Variants in RAB28 observed in about 807,000 individuals in gnomAD.
RAB28 encodes the protein RAB28, member RAS oncogene family, also known as ras-related protein Rab-28.
Under a neutral mutation model 31.7 loss-of-function variants are expected in RAB28, and 24 were observed. The ratio of observed to expected loss-of-function variants is 0.76; its 90% CI spans 0.55 to 1.06. The LOEUF (loss-of-function observed/expected upper bound fraction) is 1.06. RAB28 is among the 50% of genes least tolerant of loss of function. RAB28 has a pLI of 0.00. For synonymous variants in RAB28, 100 were observed against 90.4 expected, an observed-to-expected ratio of 1.11 and a Z score of -0.60; for missense variants, 254 against 258.5, an observed-to-expected ratio of 0.98 and a Z score of 0.12.
intron 4 of RAB28, among the ~76,000 whole-genome samples, chr4:13,410,489 T>G (rs1712375194): frequency 6.6e-6 from 1 of 152,106 alleles, no homozygotes; most frequent in Non-Finnish European, 1.5e-5. Flanking sequence ...AAAAAATTTC[T>G]AAGGTAATAA....
At chr4:13,382,644 T>C (rs571100267) in intron 4 of RAB28, among the ~76,000 whole-genome samples, 84 of 151,670 alleles carry the variant, frequency 5.5e-4, no homozygotes, top group African/African-American at 2.0e-3. Context: ...TTTAATCTAA[T>C]GGGGTATTCC....
intron 4 of RAB28, among the ~76,000 whole-genome samples, chr4:13,402,121 C>A (rs547974728): frequency 6.6e-6 from 1 of 152,128 alleles, no homozygotes; most frequent in Admixed American, 6.5e-5. Context: ...ACATTAAATT[C>A]TTTTAAATTT....
intron 3 of RAB28, among the ~76,000 whole-genome samples, chr4:13,464,332 G>C (rs1298857041): frequency 1.3e-5 from 2 of 152,008 alleles, no homozygotes; most frequent in African/African-American, 4.8e-5. Context: ...CCATAAAAAA[G>C]GCATACTCTG....
intron 5 of RAB28, among the ~76,000 whole-genome samples, chr4:13,380,292 A>G (rs1193523512): frequency 6.6e-6 from 1 of 152,174 alleles, no homozygotes; most frequent in East Asian, 1.9e-4. Context: ...GATATTACAG[A>G]GAAAAACATC....
At chr4:13,401,476 G>GT (rs200909416) in intron 4 of RAB28, among the ~76,000 whole-genome samples, 1,757 of 152,132 alleles carry the variant, frequency 0.012, 13 homozygotes, top group Non-Finnish European at 0.018. Context: ...GTAAAACTAC[G>GT]TAACAAAACT....
At chr4:13,470,174 A>C (rs917459724) in intron 3 of RAB28, among the ~76,000 whole-genome samples, 1 of 152,108 alleles carries the variant, frequency 6.6e-6, no homozygotes, top group Non-Finnish European at 1.5e-5. Flanking sequence ...TTTTCTCTCT[A>C]ATACGCAAGA....
intron 2 of RAB28, 57 bp from the exon 3 acceptor site, chr4:13,474,463 A>G: frequency 2.0e-6 from 2 of 1,005,812 alleles, no homozygotes; most frequent in East Asian, 2.5e-5. Context: ...AAGTAACAAT[A>G]CAACAAGTGA....
At chr4:13,423,317 C>T (rs1344047051) in intron 4 of RAB28, among the ~76,000 whole-genome samples, 1 of 151,930 alleles carries the variant, frequency 6.6e-6, no homozygotes, top group African/African-American at 2.4e-5. Context: ...GGGTGGATCG[C>T]CTGAGGTGAG....
intron 4 of RAB28, among the ~76,000 whole-genome samples, chr4:13,391,870 A>G (rs1729646294): frequency 6.6e-6 from 1 of 150,440 alleles, no homozygotes. Flanking sequence ...ACACTTGGAC[A>G]CGGGGCGGGG....
chr4:13,469,504 G>T (rs553364554), intron 3 of RAB28, among the ~76,000 whole-genome samples: 1 of 151,780 alleles, frequency 6.6e-6, no homozygotes, highest in Admixed American at 6.6e-5. Flanking sequence ...TGCCTTAACT[G>T]CCTTCCTCCA....
chr4:13,476,789 T>A lies in RAB28; in HGVS notation c.173-2383A>T, dbSNP rs567393706. 4.6e-5 allele frequency among the ~76,000 whole-genome samples: 7 copies of A among 151,648 alleles called. No homozygotes were observed. The South Asian group carries it at 1.0e-3, about 22-fold the overall frequency. ...CAAATTTCTAACCAATAAAGAACATTAAGGAAATTGTCAGAAATCTAATCC... is the reference window on the plus strand; with the variant it reads ...CAAATTTCTAACCAATAAAGAACATAAAGGAAATTGTCAGAAATCTAATCC... On this transcript the variant is annotated intron_variant, in intron 2 of 6. Coordinates refer to ENST00000330852, the MANE Select transcript of RAB28 (RefSeq NM_001017979.3).
At chr4:13,427,212 G>C (rs1713551593) in intron 4 of RAB28, among the ~76,000 whole-genome samples, 1 of 152,174 alleles carries the variant, frequency 6.6e-6, no homozygotes, top group African/African-American at 2.4e-5. Context: ...TATTTGATAT[G>C]AACATTCTGA....
intron 3 of RAB28, among the ~76,000 whole-genome samples, chr4:13,468,285 T>G (rs1360471656): frequency 2.6e-5 from 4 of 152,010 alleles, no homozygotes; most frequent in African/African-American, 7.2e-5. Context: ...TTAGAATACG[T>G]ACTATTCCCT....
At chr4:13,401,549 A>G (rs1217445115) in intron 4 of RAB28, among the ~76,000 whole-genome samples, 2 of 152,180 alleles carry the variant, frequency 1.3e-5, no homozygotes, top group African/African-American at 2.4e-5. Flanking sequence ...ATTGTTAAGG[A>G]ATTTGTTCGT....
chr4:13,424,187 T>C (rs545225385), intron 4 of RAB28, among the ~76,000 whole-genome samples: 47 of 152,208 alleles, frequency 3.1e-4, no homozygotes, highest in Non-Finnish European at 5.6e-4. Flanking sequence ...TTTCGTAAAG[T>C]TGCCATAAGA....
chr4:13,419,375 A>G (rs925914129), intron 4 of RAB28, among the ~76,000 whole-genome samples: 6 of 152,156 alleles, frequency 3.9e-5, no homozygotes, highest in African/African-American at 1.4e-4. Context: ...TCCAAAAGTT[A>G]AACTCAGCTC....
chr4:13,388,234 C>A (rs776493085), intron 4 of RAB28, among the ~76,000 whole-genome samples: 1 of 151,942 alleles, frequency 6.6e-6, no homozygotes. Context: ...GCCAAATGAT[C>A]TTCTATAAGG....
chr4:13,402,202 T>C (rs2108901324), intron 4 of RAB28, among the ~76,000 whole-genome samples: 1 of 152,358 alleles, frequency 6.6e-6, no homozygotes, highest in East Asian at 1.9e-4. Context: ...TGAAAGCATA[T>C]ATTCTTCTGT....
chr4:13,369,793 A>G (rs1577143439), intron 6 of RAB28: 1 of 1,302,682 alleles, frequency 7.7e-7, no homozygotes, highest in East Asian at 2.6e-5. Flanking sequence ...CCCTATTCAT[A>G]GGGAATAAAG....
Sources: gnomAD v4.1 joint callset for allele counts (sites outside exome capture counted in the v4.1 genomes callset) on GRCh38, gnomAD v4.1.1 for gene constraint, MANE v1.5 for transcripts, NCBI Gene and HGNC (gene_info 2026-07-23, HGNC 2026-07-21) for gene names.